The following ACSM2A variants were observed in gnomAD, a reference collection of about 807,000 sequenced individuals.
ACSM2A encodes acyl-CoA synthetase medium chain family member 2A.
In ACSM2A, 72 loss-of-function variants were observed where a neutral mutation model predicts 76.6. That is an observed-to-expected ratio of 0.94 (90% CI 0.78 to 1.14). The LOEUF is 1.14. Among genes scored for constraint, ACSM2A ranks in the 50% most tolerant of loss-of-function variants. The pLI, the probability that ACSM2A is intolerant of heterozygous loss-of-function variation, is 0.00. For missense variants in ACSM2A, 684 were observed against 708.5 expected, an observed-to-expected ratio of 0.97 and a Z score of 0.39; for synonymous variants, 249 against 255.9, an observed-to-expected ratio of 0.97 and a Z score of 0.26.
At chr16:20,471,253 G>A in intron 5 of ACSM2A, 37 bp downstream of exon 5, 1 of 1,595,902 alleles carries the variant, frequency 6.3e-7, no homozygotes, top group Non-Finnish European at 8.6e-7. Context: ...AGAATTACAT[G>A]AGTTTTGGAG....
rs756967893 is a variant in ACSM2A at position 20,478,691 on chromosome 16, C to T, written c.1281+14C>T. On this transcript the variant is annotated intron_variant, in intron 10 of 13. Coordinates refer to ENST00000573854, the MANE Select transcript of ACSM2A (RefSeq NM_001308172.2). ...TCTGGCTATGTGGTGAGAAACTGTG[C>T]TCCTCCTCCTCTGTTCCCCAGTGAG... is the stretch of plus-strand genomic sequence containing the variant. 6 of 1,603,834 alleles carry T rather than the reference C, an allele frequency of 3.7e-6. No individual in the cohort carries two copies. The African/African-American group carries it at 8.0e-5, about 21-fold the overall frequency.
intron 3 of ACSM2A, among the ~76,000 whole-genome samples, chr16:20,466,632 G>A (rs1199345284): frequency 6.6e-6 from 1 of 152,190 alleles, no homozygotes; most frequent in African/African-American, 2.4e-5. Context: ...GGTTTGGCTG[G>A]GGATGAAAAC....
intron 13 of ACSM2A, among the ~76,000 whole-genome samples, chr16:20,483,694 A>C (rs2014241128): frequency 6.6e-6 from 1 of 151,930 alleles, no homozygotes; most frequent in Non-Finnish European, 1.5e-5. Context: ...ATTAAAAGCC[A>C]AATGCTATCA....
chr16:20,455,147 G>C (rs1167660711), intron 1 of ACSM2A, among the ~76,000 whole-genome samples: 3 of 150,932 alleles, frequency 2.0e-5, no homozygotes, highest in African/African-American at 7.3e-5. Context: ...GTTTGGGATT[G>C]TGTTAAATGA....
At chr16:20,468,609 C>T (rs1462019687) in intron 3 of ACSM2A, among the ~76,000 whole-genome samples, 1 of 152,130 alleles carries the variant, frequency 6.6e-6, no homozygotes, top group Non-Finnish European at 1.5e-5. Flanking sequence ...ATCCACCCTC[C>T]TTGGCCTCCC....
chr16:20,456,895 C>G (rs2012196131), intron 1 of ACSM2A, among the ~76,000 whole-genome samples: 2 of 141,484 alleles, frequency 1.4e-5, no homozygotes, highest in Admixed American at 1.5e-4. Context: ...ATTGGTAGAC[C>G]ATTAGGAAGA....
At chr16:20,460,584 A>G (rs2012562471) in intron 2 of ACSM2A, among the ~76,000 whole-genome samples, 2 of 151,710 alleles carry the variant, frequency 1.3e-5, no homozygotes, top group African/African-American at 4.8e-5. Context: ...TCCCAGGGTG[A>G]AATGAGGACT....
rs1634306 is a variant in ACSM2A at position 20,477,481 on chromosome 16, T to A, written c.1179+32T>A. The A allele has an allele frequency of 0.54, 856,878 of 1,573,222 alleles. 241,222 individuals carry two copies. Among genetic ancestry groups the A allele is most frequent in the Non-Finnish European group, 0.58 (675,474 of 1,159,420 alleles). ...TCGGGACACTGAGGAGGGAGGAAGTTAGGGGAAACACTGATTTTCAGTGAT... is the reference window on the plus strand; with the variant it reads ...TCGGGACACTGAGGAGGGAGGAAGTAAGGGGAAACACTGATTTTCAGTGAT... On this transcript the variant is annotated intron_variant, in intron 9 of 13. Coordinates refer to ENST00000573854, the MANE Select transcript of ACSM2A (RefSeq NM_001308172.2).
At chr16:20,472,719 A>C (rs2013495015) in intron 6 of ACSM2A, among the ~76,000 whole-genome samples, 1 of 151,862 alleles carries the variant, frequency 6.6e-6, no homozygotes, top group Non-Finnish European at 1.5e-5. Context: ...AATTTCATGT[A>C]AATGGAGCCA....
In ACSM2A at chr16:20,483,142, A is replaced by T. The variant is rs1469945370; in HGVS notation, c.1594A>T (p.Lys532Ter). The T allele has an allele frequency of 6.2e-7, 1 of 1,614,062 alleles. No homozygotes were observed. Among genetic ancestry groups the T allele is most frequent in the Non-Finnish European group, 8.5e-7 (1 of 1,179,980 alleles). The stretch of plus-strand genomic sequence containing the variant: ...CACCAAGGAGCTGCAGCAGCATGTG[A>T]AGTCAGTGACAGCCCCATACAAGTA... ...QLTKELQQHV[K>*]SVTAPYKYPR... The change falls in exon 13 of 14, where the codon AAG becomes TAG. Residue 532 changes from lysine (K) to a stop codon, truncating the protein, a stop_gained. Coordinates refer to ENST00000573854, the MANE Select transcript of ACSM2A (RefSeq NM_001308172.2). LOFTEE classifies it high-confidence loss of function.
At chr16:20,454,501 C>A (rs906260469) in intron 1 of ACSM2A, among the ~76,000 whole-genome samples, 2 of 151,816 alleles carry the variant, frequency 1.3e-5, no homozygotes, top group African/African-American at 4.8e-5. Flanking sequence ...CTCTGTGCTG[C>A]CTGAGGCAAT....
chr16:20,458,598 TTA>T lies in ACSM2A; in HGVS notation c.-8-1495_-8-1494del, dbSNP rs578004747. ...CCATATAATATAGTATATATATTTT[TTA>T]TATATATATATATGTATTTTTTGCC... On this transcript the variant is annotated intron_variant, in intron 1 of 13. Coordinates refer to ENST00000573854, the MANE Select transcript of ACSM2A (RefSeq NM_001308172.2). Among the ~76,000 whole-genome samples, 14 of 142,498 alleles carry T rather than the reference TTA, an allele frequency of 9.8e-5. No individual in the cohort carries two copies. The East Asian group carries it at 1.4e-3, about 14-fold the overall frequency. The allele number at this position is 142,498 out of a possible 152,430, so 93.5% of individuals were successfully genotyped here. A position where few individuals can be genotyped will look rare whatever the true frequency, so the allele number is the denominator to read the frequency against.
chr16:20,456,809 G>A (rs1234239082), intron 1 of ACSM2A, among the ~76,000 whole-genome samples: 1 of 145,836 alleles, frequency 6.9e-6, no homozygotes, highest in Non-Finnish European at 1.5e-5. Flanking sequence ...GATCAGAGCA[G>A]AACTAAATGA....
At chr16:20,482,854 C>A in intron 12 of ACSM2A, 1 of 659,328 alleles carries the variant, frequency 1.5e-6, no homozygotes, top group Non-Finnish European at 2.3e-6. Flanking sequence ...ATCTTTTGTC[C>A]ACCTGCTCCT....
At chr16:20,462,868 A>T (rs1338456071) in intron 2 of ACSM2A, among the ~76,000 whole-genome samples, 1 of 152,122 alleles carries the variant, frequency 6.6e-6, no homozygotes, top group Non-Finnish European at 1.5e-5. Context: ...GAATATGTGT[A>T]CACTCATGTT....
intron 12 of ACSM2A, 138 bp from the exon 13 acceptor site, chr16:20,482,920 T>G: frequency 1.4e-6 from 2 of 1,390,432 alleles, no homozygotes; most frequent in South Asian, 2.9e-5. Flanking sequence ...AGTTTTCTCC[T>G]TTTCCCTTGA....
Position 20,465,691 on chromosome 16 carries a change from G to C in ACSM2A, c.352G>C (p.Glu118Gln). 1.2e-6 allele frequency: 2 copies of C among 1,613,988 alleles called. No individual in the cohort carries two copies. The highest frequency in any genetic ancestry group is 1.7e-6 in the Non-Finnish European group (2 of 1,179,850). Residue 118 changes from glutamate to glutamine, a missense_variant, in exon 3 of 14, where the codon GAG becomes CAG. This residue lies in a region of ACSM2A where 519 missense variants were observed against 549.5 expected (regional missense o/e 0.94). Coordinates refer to ENST00000573854, the MANE Select transcript of ACSM2A (RefSeq NM_001308172.2). The part of the protein sequence containing the change: ...RVAVVLPRVP[E>Q]WWLVILGCIR... ...GGCAGTGGTGCTGCCCCGAGTGCCTGAGTGGTGGCTGGTGATCCTGGGCTG... is the reference window on the plus strand; with the variant it reads ...GGCAGTGGTGCTGCCCCGAGTGCCTCAGTGGTGGCTGGTGATCCTGGGCTG...
chr16:20,460,304 A>C lies in ACSM2A; in HGVS notation c.177+13A>C, dbSNP rs567678566. On this transcript the variant is annotated intron_variant, in intron 2 of 13. Transcript: ENST00000573854. ...TGACATGGAGAAGGTAATGGGGTGGAAAAGAGGCACAGAGTGAGACAATTT... is the reference window on the plus strand; with the variant it reads ...TGACATGGAGAAGGTAATGGGGTGGCAAAGAGGCACAGAGTGAGACAATTT... The C allele has an allele frequency of 3.7e-6, 6 of 1,613,530 alleles. No homozygotes were observed. The East Asian group carries it at 1.3e-4, about 36-fold the overall frequency.
intron 2 of ACSM2A, among the ~76,000 whole-genome samples, chr16:20,463,143 A>T (rs1306379911): frequency 1.3e-5 from 2 of 151,840 alleles, no homozygotes; most frequent in African/African-American, 4.8e-5. Flanking sequence ...ATGACGAGTT[A>T]AGCTGTGCAG....
Sources: gnomAD v4.1 joint callset for allele counts (sites outside exome capture counted in the v4.1 genomes callset) on GRCh38, gnomAD v4.1.1 for gene constraint, gnomAD v4.1.1 regional missense constraint, MANE v1.5 for transcripts, NCBI Gene and HGNC (gene_info 2026-07-23, HGNC 2026-07-21) for gene names.